SPTLC2: variants seen among roughly 807,000 people sequenced by gnomAD.
SPTLC2 encodes serine palmitoyltransferase 2.
SPTLC2 carries 21 observed loss-of-function variants against 62.0 expected under a neutral mutation model. The ratio of observed to expected loss-of-function variants is 0.34; its 90% CI spans 0.24 to 0.49. The LOEUF (loss-of-function observed/expected upper bound fraction) is 0.49, where lower values mean the gene tolerates loss of function less well. SPTLC2 is among the 20% of genes least tolerant of loss of function. SPTLC2 has a pLI of 0.99. For missense variants in SPTLC2, 511 were observed against 713.0 expected, an observed-to-expected ratio of 0.72 and a Z score of 3.23; for synonymous variants, 261 against 261.8, an observed-to-expected ratio of 1.00 and a Z score of 0.03.
chr14:77,592,278 G>A (rs2079822103), intron 2 of SPTLC2, among the ~76,000 whole-genome samples: 1 of 151,890 alleles, frequency 6.6e-6, no homozygotes, highest in Admixed American at 6.6e-5. Flanking sequence ...GGGATTACAG[G>A]TGCCCACCAC....
chr14:77,592,153 T>A (rs1192385310), intron 2 of SPTLC2, among the ~76,000 whole-genome samples: 2 of 150,222 alleles, frequency 1.3e-5, no homozygotes, highest in Non-Finnish European at 3.0e-5. Flanking sequence ...TTTTTTTTTT[T>A]ATTTTGAGAC....
In SPTLC2 at chr14:77,507,779, G is replaced by A. The variant is rs1267552418; in HGVS notation, c.*4505C>T. 1 of 152,104 alleles carries A rather than the reference G, an allele frequency of 6.6e-6. No individual in the cohort carries two copies. The highest frequency in any genetic ancestry group is 6.5e-5 in the Admixed American group (1 of 15,282). 9.4% of individuals were successfully genotyped at this position (152,104 alleles called of 1,614,324 possible). ...GAAGCAAGTAGCAGGGTATCTGTAG[G>A]TTCTGGGACTGAAAAAAAAAATCCC... On this transcript the variant is annotated 3_prime_UTR_variant, in exon 12 of 12. Coordinates refer to ENST00000216484, the MANE Select transcript of SPTLC2 (RefSeq NM_004863.4).
chr14:77,583,005 G>A (rs1275009491), intron 2 of SPTLC2, among the ~76,000 whole-genome samples: 1 of 152,028 alleles, frequency 6.6e-6, no homozygotes, highest in East Asian at 1.9e-4. Flanking sequence ...TTTGAGACCA[G>A]CCTGGGCAAT....
chr14:77,562,501 C>T lies in SPTLC2; in HGVS notation c.757-12G>A. 1.2e-6 allele frequency: 2 copies of T among 1,611,642 alleles called. No homozygotes were observed. Among genetic ancestry groups the T allele is most frequent in the African/African-American group, 1.3e-5 (1 of 74,972 alleles). On this transcript the variant is annotated splice_polypyrimidine_tract_variant and intron_variant, in intron 5 of 11. Transcript: ENST00000216484. ...AGAATCAGGCAACCCTGCAACATCA[C>T]AGGAACAGAAAGGTAAGAAGCTGGA...
intron 5 of SPTLC2, among the ~76,000 whole-genome samples, chr14:77,567,295 T>G (rs2079650753): frequency 6.6e-6 from 1 of 152,222 alleles, no homozygotes; most frequent in African/African-American, 2.4e-5. Flanking sequence ...TCCAGGTCTG[T>G]GTAGAAAACG....
rs115976926 is a variant in SPTLC2 at position 77,511,557 on chromosome 14, G to C, written c.*727C>G. 4 of 153,356 alleles carry C rather than the reference G, an allele frequency of 2.6e-5. No homozygotes were observed. The highest frequency in any genetic ancestry group is 9.7e-5 in the African/African-American group (4 of 41,408). 9.5% of individuals were successfully genotyped at this position (153,356 alleles called of 1,614,324 possible). ...TTAAAAAGGGGGTGGGACGTGTTAC[G>C]GTTAGAGCTTGGGAAGAACCAGAAT... is the stretch of plus-strand genomic sequence containing the variant. On this transcript the variant is annotated 3_prime_UTR_variant, in exon 12 of 12. Coordinates refer to ENST00000216484, the MANE Select transcript of SPTLC2 (RefSeq NM_004863.4).
rs2079326214 is a variant in SPTLC2 at position 77,510,385 on chromosome 14, A to G, written c.*1899T>C. On this transcript the variant is annotated 3_prime_UTR_variant, in exon 12 of 12. Coordinates refer to ENST00000216484, the MANE Select transcript of SPTLC2 (RefSeq NM_004863.4). ...TCTGCTATACGTAATGTGCACAAAC[A>G]TATCACAGCTGATGACAACACACCC... 6.5e-6 allele frequency: 1 copy of G among 154,920 alleles called. No individual in the cohort carries two copies. Among genetic ancestry groups the G allele is most frequent in the Admixed American group, 6.5e-5 (1 of 15,364 alleles). 9.6% of individuals were successfully genotyped at this position (154,920 alleles called of 1,614,324 possible).
Position 77,512,406 on chromosome 14 carries a change from A to G in SPTLC2, c.1570-3T>C. 6.2e-7 allele frequency: 1 copy of G among 1,614,248 alleles called. No individual in the cohort carries two copies. Among genetic ancestry groups the G allele is most frequent in the Non-Finnish European group, 8.5e-7 (1 of 1,180,026 alleles). ...ACTTCATCTATCTCCTTTAAAGCCT[A>G]AAATACACAAGACAAAGTAGAGGTC... On this transcript the variant is annotated splice_region_variant and splice_polypyrimidine_tract_variant and intron_variant, in intron 11 of 11. Coordinates refer to ENST00000216484, the MANE Select transcript of SPTLC2 (RefSeq NM_004863.4).
intron 4 of SPTLC2, among the ~76,000 whole-genome samples, chr14:77,572,684 C>T (rs1346691016): frequency 6.6e-6 from 1 of 152,072 alleles, no homozygotes; most frequent in Middle Eastern, 3.2e-3. Flanking sequence ...TTGTAGCCAC[C>T]TTCATCAATT....
chr14:77,555,200 G>A (rs1333576410), intron 8 of SPTLC2, 100 bp downstream of exon 8: 1 of 1,367,048 alleles, frequency 7.3e-7, no homozygotes, highest in African/African-American at 1.4e-5. Context: ...AGGCAAATTT[G>A]CGGACATCCC....
At chr14:77,558,861 A>ATCTGCCC (rs1313389090) in intron 6 of SPTLC2, among the ~76,000 whole-genome samples, 1 of 151,874 alleles carries the variant, frequency 6.6e-6, no homozygotes, top group East Asian at 1.9e-4. Flanking sequence ...ACCTCAGGTG[A>ATCTGCCC]TCTGCCCTCC....
chr14:77,527,227 G>A (rs1306589538), intron 9 of SPTLC2, among the ~76,000 whole-genome samples: 1 of 151,974 alleles, frequency 6.6e-6, no homozygotes, highest in East Asian at 1.9e-4. Flanking sequence ...TTCCTGAGTA[G>A]CTGGGATTAC....
chr14:77,538,190 C>T lies in SPTLC2; in HGVS notation c.1303+13906G>A, dbSNP rs183380311. 2.2e-4 allele frequency among the ~76,000 whole-genome samples: 33 copies of T among 152,262 alleles called. 1 individual carries two copies. The highest frequency in any genetic ancestry group is 6.0e-4 in the African/African-American group (25 of 41,552). ...ACTTTCCAAAGCTTTTGAGGTTTTC[C>T]TTTATTCTCCAATTTAGAGTACCTC... On this transcript the variant is annotated intron_variant, in intron 9 of 11. Coordinates refer to ENST00000216484, the MANE Select transcript of SPTLC2 (RefSeq NM_004863.4).
intron 6 of SPTLC2, 27 bp from the exon 7 acceptor site, chr14:77,557,173 T>C (rs761789138): frequency 1.3e-6 from 2 of 1,564,080 alleles, no homozygotes; most frequent in Admixed American, 1.7e-5. Flanking sequence ...AGAACAGTTA[T>C]ACCGCATCTT....
In SPTLC2 at chr14:77,592,598, T is replaced by A. The variant is rs570529444; in HGVS notation, c.327+4588A>T. On this transcript the variant is annotated intron_variant, in intron 2 of 11. Transcript: ENST00000216484. ...CTATCCCTCCCATTTTTAATCTACT[T>A]ATTTTTTGTAACTTTTATTTTAGGT... is the stretch of plus-strand genomic sequence containing the variant. Among the ~76,000 whole-genome samples, 12 of 152,314 alleles carry A rather than the reference T, an allele frequency of 7.9e-5. No homozygotes were observed. The South Asian group carries it at 2.1e-3, about 26-fold the overall frequency.
intron 9 of SPTLC2, among the ~76,000 whole-genome samples, chr14:77,522,396 C>T (rs1180558897): frequency 6.6e-6 from 1 of 152,176 alleles, no homozygotes; most frequent in Non-Finnish European, 1.5e-5. Context: ...CACCTAACCT[C>T]AAGTGATCTA....
At chr14:77,569,728 C>T (rs1228786261) in intron 5 of SPTLC2, among the ~76,000 whole-genome samples, 2 of 144,638 alleles carry the variant, frequency 1.4e-5, no homozygotes, top group Non-Finnish European at 3.0e-5. Flanking sequence ...ACAGATTGTG[C>T]CCTCTCACAC....
chr14:77,603,564 C>G (rs1395470390), intron 1 of SPTLC2, among the ~76,000 whole-genome samples: 1 of 152,164 alleles, frequency 6.6e-6, no homozygotes, highest in Non-Finnish European at 1.5e-5. Context: ...CAGGGAAATT[C>G]TGAAAAGTAG....
At chr14:77,522,262 C>T (rs2079388324) in intron 9 of SPTLC2, among the ~76,000 whole-genome samples, 1 of 151,992 alleles carries the variant, frequency 6.6e-6, no homozygotes, top group Non-Finnish European at 1.5e-5. Flanking sequence ...TTCCCGGGTT[C>T]AAGCGATTCT....
Sources: allele counts gnomAD v4.1 joint callset (sites outside exome capture counted in the v4.1 genomes callset), GRCh38; gene constraint gnomAD v4.1.1; transcripts MANE v1.5; gene names NCBI Gene and HGNC (gene_info 2026-07-23, HGNC 2026-07-21).